Variants in KHDRBS2 observed in about 807,000 individuals in gnomAD.
KHDRBS2 encodes the protein KH RNA binding domain containing, signal transduction associated 2, also known as KH domain-containing, RNA-binding, signal transduction-associated protein 2.
KHDRBS2 carries 26 observed loss-of-function variants against 44.3 expected under a neutral mutation model. That is an observed-to-expected ratio of 0.59 (90% CI 0.43 to 0.81). KHDRBS2 has a LOEUF of 0.81. Among genes scored for constraint, KHDRBS2 ranks in the 40% least tolerant of loss-of-function variants. KHDRBS2 has a pLI of 0.00. For missense variants in KHDRBS2, 476 were observed against 433.1 expected (o/e 1.10, Z -0.88); for synonymous variants, 194 against 151.1 (o/e 1.28, Z -2.08).
At chr6:62,248,155 G>A (rs1200041330) in intron 1 of KHDRBS2, among the ~76,000 whole-genome samples, 1 of 151,714 alleles carries the variant, frequency 6.6e-6, no homozygotes, top group East Asian at 1.9e-4. Flanking sequence ...CATAAATTAA[G>A]GTTGTGAGTA....
the KHDRBS2 span, among the ~76,000 whole-genome samples, chr6:61,553,364 T>G: frequency 6.6e-6 from 1 of 152,138 alleles, no homozygotes; most frequent in East Asian, 1.9e-4. Flanking sequence ...TTGTCATTTC[T>G]GATTGACTTT....
chr6:61,948,306 CTG>C (rs1382618446), intron 4 of KHDRBS2, among the ~76,000 whole-genome samples: 1 of 151,996 alleles, frequency 6.6e-6, no homozygotes, highest in Non-Finnish European at 1.5e-5. Context: ...ATTATTTTAT[CTG>C]TGTGATTTAT....
intron 2 of KHDRBS2, among the ~76,000 whole-genome samples, chr6:62,065,365 A>G (rs978248871): frequency 1.3e-5 from 2 of 151,602 alleles, no homozygotes; most frequent in Admixed American, 1.3e-4. Context: ...TCACAATAGC[A>G]AAGACTTGGA....
At chr6:61,567,864 G>T in the KHDRBS2 span, among the ~76,000 whole-genome samples, 8 of 151,856 alleles carry the variant, frequency 5.3e-5, no homozygotes, top group African/African-American at 1.9e-4. Flanking sequence ...AGCCTTTTTG[G>T]ATGTGAGGGT....
chr6:61,744,386 G>A (rs1258717390), intron 6 of KHDRBS2, among the ~76,000 whole-genome samples: 2 of 152,088 alleles, frequency 1.3e-5, no homozygotes, highest in South Asian at 2.1e-4. Context: ...AAGCAAACCT[G>A]CTCTTACTTT....
intron 2 of KHDRBS2, among the ~76,000 whole-genome samples, chr6:62,164,431 T>C (rs1341779012): frequency 1.3e-5 from 2 of 151,928 alleles, no homozygotes; most frequent in Non-Finnish European, 2.9e-5. Flanking sequence ...TTAATTGCTT[T>C]ACATTAGCCC....
intron 1 of KHDRBS2, among the ~76,000 whole-genome samples, chr6:62,204,092 C>G (rs1292602244): frequency 2.0e-5 from 3 of 152,152 alleles, no homozygotes; most frequent in Non-Finnish European, 2.9e-5. Flanking sequence ...TCACCAGAAG[C>G]AGATGCTGGT....
chr6:61,826,949 T>G (rs1449198949), intron 6 of KHDRBS2, among the ~76,000 whole-genome samples: 5 of 152,184 alleles, frequency 3.3e-5, no homozygotes, highest in Non-Finnish European at 5.9e-5. Context: ...GTTCTTTTCC[T>G]CAATTATTCG....
intron 4 of KHDRBS2, among the ~76,000 whole-genome samples, chr6:61,960,432 G>T (rs1326785436): frequency 3.3e-5 from 5 of 151,942 alleles, no homozygotes; most frequent in Admixed American, 2.0e-4. Flanking sequence ...GCATCTAATT[G>T]GTGCAGGGGG....
At chr6:62,179,623 C>A (rs1055169858) in intron 1 of KHDRBS2, among the ~76,000 whole-genome samples, 4 of 151,718 alleles carry the variant, frequency 2.6e-5, no homozygotes, top group African/African-American at 9.7e-5. Flanking sequence ...GAAGCTGACT[C>A]AATTCCTGAT....
chr6:61,975,672 C>CACACACAT (rs1554301014), intron 4 of KHDRBS2, among the ~76,000 whole-genome samples: 1 of 137,520 alleles, frequency 7.3e-6, no homozygotes, highest in South Asian at 2.5e-4. Flanking sequence ...CACACACACA[C>CACACACAT]ACACACACAG....
At chr6:61,773,404 T>C (rs1223795168) in intron 6 of KHDRBS2, among the ~76,000 whole-genome samples, 63 of 149,216 alleles carry the variant, frequency 4.2e-4, no homozygotes, top group South Asian at 1.1e-3. Context: ...ATGATGAGCA[T>C]TTTTTCATGT....
At chr6:62,056,576 A>G (rs945811517) in intron 2 of KHDRBS2, among the ~76,000 whole-genome samples, 8 of 152,020 alleles carry the variant, frequency 5.3e-5, no homozygotes, top group Admixed American at 5.3e-4. Context: ...TTTATACTCC[A>G]CACATGAAAG....
intron 3 of KHDRBS2, among the ~76,000 whole-genome samples, chr6:62,041,844 G>A (rs1217624703): frequency 6.6e-6 from 1 of 151,954 alleles, no homozygotes; most frequent in Admixed American, 6.6e-5. Context: ...TCCTGTTATT[G>A]AAGCTTATGA....
chr6:61,905,528 G>A (rs1804816348), intron 4 of KHDRBS2, among the ~76,000 whole-genome samples: 1 of 152,116 alleles, frequency 6.6e-6, no homozygotes. Flanking sequence ...AGACCTTCAG[G>A]CTTATCTTAG....
intron 4 of KHDRBS2, among the ~76,000 whole-genome samples, chr6:61,905,328 C>T (rs1324118815): frequency 6.6e-6 from 1 of 151,504 alleles, no homozygotes; most frequent in Non-Finnish European, 1.5e-5. Flanking sequence ...AATCACAGGC[C>T]ACGTAAGAGT....
chr6:62,050,096 T>C (rs1402902628), intron 2 of KHDRBS2, among the ~76,000 whole-genome samples: 4 of 152,068 alleles, frequency 2.6e-5, no homozygotes, highest in African/African-American at 9.7e-5. Flanking sequence ...ATATACACCA[T>C]GGAATGTTAT....
chr6:61,947,310 A>T (rs542933394), intron 4 of KHDRBS2, among the ~76,000 whole-genome samples: 45 of 152,256 alleles, frequency 3.0e-4, no homozygotes, highest in African/African-American at 1.1e-3. Context: ...ACTGCACAAG[A>T]TGATCCAATT....
intron 2 of KHDRBS2, among the ~76,000 whole-genome samples, chr6:62,149,768 T>C (rs1814706000): frequency 6.6e-6 from 1 of 152,172 alleles, no homozygotes; most frequent in African/African-American, 2.4e-5. Context: ...GAAAGATTGT[T>C]TGAAAATCAG....
Sources: allele counts gnomAD v4.1 joint callset (sites outside exome capture counted in the v4.1 genomes callset), GRCh38; gene constraint gnomAD v4.1.1; transcripts MANE v1.5; gene names NCBI Gene and HGNC (gene_info 2026-07-23, HGNC 2026-07-21).